The following STK33 variants were observed in gnomAD, a reference collection of about 807,000 sequenced individuals.
The protein encoded by STK33 is serine/threonine-protein kinase 33.
In STK33, 52 loss-of-function variants were observed where a neutral mutation model predicts 58.0. The observed-to-expected ratio is 0.90, with a 90% CI of 0.72 to 1.13. STK33 has a LOEUF of 1.13. STK33 is among the 50% of genes most tolerant of loss of function. The pLI is 0.00. For missense variants in STK33, 630 were observed against 604.2 expected (o/e 1.04, Z -0.45); for synonymous variants, 215 against 200.1 (o/e 1.07, Z -0.63).
intron 7 of STK33, 77 bp from the exon 8 acceptor site, chr11:8,461,986 T>A (rs1458943733): frequency 9.8e-6 from 11 of 1,118,608 alleles, no homozygotes; most frequent in Non-Finnish European, 1.3e-5. Flanking sequence ...TTATTTTATG[T>A]TTTCCTACTT....
intron 14 of STK33, among the ~76,000 whole-genome samples, chr11:8,421,785 T>C (rs1243140938): frequency 6.6e-6 from 1 of 152,168 alleles, no homozygotes; most frequent in Non-Finnish European, 1.5e-5. Context: ...GTCTTATAAA[T>C]CTTATGTCAT....
chr11:8,460,838 T>C (rs551386450), intron 8 of STK33, among the ~76,000 whole-genome samples: 1 of 152,330 alleles, frequency 6.6e-6, no homozygotes, highest in African/African-American at 2.4e-5. Context: ...TTGGGCATCA[T>C]TGCCATATAC....
the STK33 span, among the ~76,000 whole-genome samples, chr11:8,370,008 C>T: frequency 6.6e-6 from 1 of 152,198 alleles, no homozygotes; most frequent in Non-Finnish European, 1.5e-5. Context: ...CTGTCTCAGG[C>T]CCTTCCGTGT....
At chr11:8,390,079 T>C (rs1848597564), downstream of STK33, among the ~76,000 whole-genome samples, 1 of 152,220 alleles carries the variant, frequency 6.6e-6, no homozygotes, top group Admixed American at 6.5e-5. Context: ...ATTTTCATTT[T>C]GCTCCACATA....
intron 14 of STK33, among the ~76,000 whole-genome samples, chr11:8,417,563 C>T (rs1224736761): frequency 5.3e-5 from 8 of 152,154 alleles, no homozygotes; most frequent in Middle Eastern, 3.4e-3. Flanking sequence ...TCCAAATCGG[C>T]GAAGCTAAAG....
chr11:8,421,650 T>G (rs1222998044), intron 14 of STK33, among the ~76,000 whole-genome samples: 1 of 152,246 alleles, frequency 6.6e-6, no homozygotes, highest in Non-Finnish European at 1.5e-5. Flanking sequence ...GCACTGAATA[T>G]GTATATCAAT....
At chr11:8,590,400 T>C (rs1443007098) in intron 1 of STK33, among the ~76,000 whole-genome samples, 2 of 143,550 alleles carry the variant, frequency 1.4e-5, no homozygotes, top group Non-Finnish European at 3.0e-5. Flanking sequence ...TAATAGTCAA[T>C]ATTGTTTACT....
At chr11:8,337,187 A>T in the STK33 span, among the ~76,000 whole-genome samples, 1 of 152,254 alleles carries the variant, frequency 6.6e-6, no homozygotes, top group Admixed American at 6.5e-5. Context: ...ATTGAGGCAC[A>T]AGAAAGGAGA....
At position 8,528,689 on chromosome 11, in the gene STK33, A is replaced by G. The variant is rs563315899; in HGVS notation, c.-465-48075T>C. The stretch of plus-strand genomic sequence containing the variant: ...AGTCAATTCACGACAGTTATGAAAA[A>G]GACCTCTTGGCCTTCTGTGGCCATA... On this transcript the variant is annotated intron_variant, in intron 1 of 15. Transcript: ENST00000687296. Among the ~76,000 whole-genome samples the G allele has an allele frequency of 7.2e-5, 11 of 152,364 alleles. No individual in the cohort carries two copies. In the East Asian group the frequency reaches 1.7e-3, roughly 24 times the overall value.
intron 1 of STK33, among the ~76,000 whole-genome samples, chr11:8,573,307 T>C (rs1957950645): frequency 1.3e-5 from 2 of 152,150 alleles, no homozygotes; most frequent in South Asian, 4.1e-4. Context: ...CAGAAGAAGA[T>C]ACACAATGGC....
chr11:8,464,689 A>T lies in STK33; in HGVS notation c.453+20T>A. ...GCACTAACACTGTGCCCTCAGTAGGATGCTGCTAATGAGCCTTACCTTTTC... is the reference window on the plus strand; with the variant it reads ...GCACTAACACTGTGCCCTCAGTAGGTTGCTGCTAATGAGCCTTACCTTTTC... On this transcript the variant is annotated intron_variant, in intron 7 of 15. Transcript: ENST00000687296. 2 of 1,563,158 alleles carry T rather than the reference A, an allele frequency of 1.3e-6. No individual in the cohort carries two copies. The highest frequency in any genetic ancestry group is 1.7e-5 in the Admixed American group (1 of 59,874).
At chr11:8,474,236 G>C (rs1042835114) in intron 5 of STK33, among the ~76,000 whole-genome samples, 1 of 151,622 alleles carries the variant, frequency 6.6e-6, no homozygotes, top group African/African-American at 2.4e-5. Context: ...TAGATTATTT[G>C]TAACTAATGC....
intron 1 of STK33, among the ~76,000 whole-genome samples, chr11:8,497,617 C>T (rs1951164180): frequency 6.6e-6 from 1 of 152,110 alleles, no homozygotes; most frequent in South Asian, 2.1e-4. Flanking sequence ...ACTACAGGCA[C>T]ATGCCACCAT....
rs118137402 is a variant in STK33, at chr11:8,485,551, T to C, written c.-465-4937A>G. On this transcript the variant is annotated intron_variant, in intron 1 of 15. Transcript: ENST00000687296. Reference sequence around the variant, plus strand: ...TTGTGAAAAGTCCAGAGTAGAAACATCTTTGTGTAGCCTTGGAAAACTAAC... The same window carrying C: ...TTGTGAAAAGTCCAGAGTAGAAACACCTTTGTGTAGCCTTGGAAAACTAAC... Among the ~76,000 whole-genome samples the C allele has an allele frequency of 5.6e-4, 85 of 152,306 alleles. 1 individual carries two copies. In the East Asian group the frequency reaches 0.016, roughly 28 times the overall value.
intron 6 of STK33, chr11:8,466,215 C>G (rs1299349972): frequency 2.0e-5 from 3 of 152,106 alleles, no homozygotes; most frequent in Non-Finnish European, 4.4e-5. Context: ...CATGCCTTCC[C>G]AACAGTCCCC....
intron 1 of STK33, among the ~76,000 whole-genome samples, chr11:8,535,857 A>C (rs887645846): frequency 2.0e-5 from 3 of 152,224 alleles, no homozygotes; most frequent in Non-Finnish European, 4.4e-5. Flanking sequence ...CAACAGATGA[A>C]TAGATAAAGA....
At chr11:8,522,422 A>C (rs1953547391) in intron 1 of STK33, among the ~76,000 whole-genome samples, 1 of 152,154 alleles carries the variant, frequency 6.6e-6, no homozygotes, top group Admixed American at 6.5e-5. Context: ...GAAACTGAAC[A>C]ATGAGAACAG....
At chr11:8,414,079 T>C (rs925921972) in intron 14 of STK33, among the ~76,000 whole-genome samples, 3 of 152,068 alleles carry the variant, frequency 2.0e-5, no homozygotes, top group Non-Finnish European at 4.4e-5. Flanking sequence ...GTGCGTCCAG[T>C]GCTAAGGATG....
chr11:8,491,047 T>G (rs11493772), intron 1 of STK33, among the ~76,000 whole-genome samples: 1 of 151,942 alleles, frequency 6.6e-6, no homozygotes. Flanking sequence ...TCCAAAGGAT[T>G]GCAGCTCCTC....
Sources: allele counts gnomAD v4.1 joint callset (sites outside exome capture counted in the v4.1 genomes callset), GRCh38; gene constraint gnomAD v4.1.1; transcripts MANE v1.5; gene names NCBI Gene and HGNC (gene_info 2026-07-23, HGNC 2026-07-21).